Variants in MSI2 observed in about 807,000 individuals in gnomAD.
MSI2 encodes the protein musashi RNA binding protein 2, also known as RNA-binding protein Musashi homolog 2.
In MSI2, 17 loss-of-function variants were observed where a neutral mutation model predicts 45.6. The ratio of observed to expected loss-of-function variants is 0.37; its 90% CI spans 0.26 to 0.56. The LOEUF is 0.56. Among genes scored for constraint, MSI2 ranks in the 20% least tolerant of loss-of-function variants. The pLI is 0.77. For missense variants in MSI2, 293 were observed against 444.2 expected (o/e 0.66, Z 3.06); for synonymous variants, 156 against 158.2 (o/e 0.99, Z 0.11).
intron 5 of MSI2, among the ~76,000 whole-genome samples, chr17:57,298,733 C>G (rs1007975444): frequency 6.6e-6 from 1 of 152,184 alleles, no homozygotes; most frequent in Non-Finnish European, 1.5e-5. Flanking sequence ...GTAGATTTAG[C>G]ATAATTCTTA....
At chr17:57,287,830 A>C (rs992052318) in intron 5 of MSI2, among the ~76,000 whole-genome samples, 2 of 152,196 alleles carry the variant, frequency 1.3e-5, no homozygotes, top group Non-Finnish European at 2.9e-5. Context: ...ATTGTGCGTA[A>C]GGAGTGCAAG....
At chr17:57,399,970 A>G (rs1191915857) in intron 5 of MSI2, among the ~76,000 whole-genome samples, 1 of 152,174 alleles carries the variant, frequency 6.6e-6, no homozygotes, top group Non-Finnish European at 1.5e-5. Context: ...ATACGCCGGG[A>G]GCCTCTGTGA....
At chr17:57,368,533 T>A (rs927747398) in intron 5 of MSI2, among the ~76,000 whole-genome samples, 1 of 152,094 alleles carries the variant, frequency 6.6e-6, no homozygotes, top group Non-Finnish European at 1.5e-5. Flanking sequence ...CCCACCTGGG[T>A]GACGGAGTGA....
intron 1 of MSI2, 81 bp from the exon 2 acceptor site, chr17:57,257,017 T>C (rs747699565): frequency 1.3e-6 from 2 of 1,564,176 alleles, no homozygotes; most frequent in Non-Finnish European, 1.7e-6. Context: ...CCCCCCGCTT[T>C]CCTTTTAGCT....
intron 7 of MSI2, among the ~76,000 whole-genome samples, chr17:57,576,526 C>T (rs2088051108): frequency 6.6e-6 from 1 of 152,128 alleles, no homozygotes; most frequent in South Asian, 2.1e-4. Flanking sequence ...GAGGCCGAGG[C>T]AGGTGGATCA....
intron 6 of MSI2, among the ~76,000 whole-genome samples, chr17:57,506,485 C>G (rs1016386949): frequency 1.3e-5 from 2 of 152,220 alleles, no homozygotes. Flanking sequence ...TCGCTTCTTT[C>G]TCTGGCTGTG....
chr17:57,333,253 C>T (rs928625902), intron 5 of MSI2, among the ~76,000 whole-genome samples: 2 of 152,236 alleles, frequency 1.3e-5, no homozygotes, highest in South Asian at 4.1e-4. Context: ...GTGTCTAGAA[C>T]ATATAAGCAG....
chr17:57,604,872 T>C (rs1906353992), intron 8 of MSI2, among the ~76,000 whole-genome samples: 2 of 119,026 alleles, frequency 1.7e-5, no homozygotes, highest in South Asian at 2.7e-4. Context: ...AGTGATTGGC[T>C]CACCCCCCCA....
At chr17:57,379,589 G>A (rs545812922) in intron 5 of MSI2, among the ~76,000 whole-genome samples, 2 of 152,090 alleles carry the variant, frequency 1.3e-5, no homozygotes, top group South Asian at 2.1e-4. Flanking sequence ...CGGCCATCAG[G>A]AAGTTACTTC....
At chr17:57,380,615 G>A (rs1022052313) in intron 5 of MSI2, among the ~76,000 whole-genome samples, 1 of 152,138 alleles carries the variant, frequency 6.6e-6, no homozygotes, top group African/African-American at 2.4e-5. Context: ...GGACTAAAGG[G>A]TTAGTCCTTC....
rs200087369 is a variant in MSI2, at chr17:57,450,275, G to GA, written c.405+48807dup. ...CAGCTTAAAGAAAGAAAGAAAGAAA[G>GA]AAAGAAAGAAAGAAAGAAAGAAAGA... On this transcript the variant is annotated intron_variant, in intron 6 of 13. Transcript: ENST00000284073. 1.0e-3 allele frequency: 99 copies of GA among 98,218 alleles called. 3 individuals carry two copies. Among genetic ancestry groups the GA allele is most frequent in the African/African-American group, 3.3e-3 (72 of 21,550 alleles). 6.1% of individuals were successfully genotyped at this position (98,218 alleles called of 1,614,324 possible).
In MSI2 at chr17:57,683,975, A is replaced by G. The variant is rs996671345; in HGVS notation, c.*4458A>G. On this transcript the variant is annotated 3_prime_UTR_variant, in exon 14 of 14. Transcript: ENST00000284073. This position sits in a 1 kb window ranked among gnomAD's most constrained non-coding sequence, Gnocchi z 5.2. ...AAAGTAAGTAAACTAAAACACAAAA[A>G]CATATAAATAAAATCCATCCCTCTT... is the stretch of plus-strand genomic sequence containing the variant. 1.2e-4 allele frequency: 28 copies of G among 229,124 alleles called. No individual in the cohort carries two copies. Among genetic ancestry groups the G allele is most frequent in the African/African-American group, 5.8e-4 (26 of 45,054 alleles). 14.2% of individuals were successfully genotyped at this position (229,124 alleles called of 1,614,324 possible).
downstream of MSI2, among the ~76,000 whole-genome samples, chr17:57,689,599 G>C (rs1371265047): frequency 6.6e-6 from 1 of 152,148 alleles, no homozygotes; most frequent in Non-Finnish European, 1.5e-5. Context: ...CACGAGTTTT[G>C]ACAAATATAT....
chr17:57,272,919 A>G (rs1908504904), intron 5 of MSI2, among the ~76,000 whole-genome samples: 1 of 152,182 alleles, frequency 6.6e-6, no homozygotes, highest in Admixed American at 6.5e-5. Context: ...TCTATTTTTT[A>G]AATCCCTTTC....
At chr17:57,485,391 T>C (rs2085732181) in intron 6 of MSI2, among the ~76,000 whole-genome samples, 1 of 152,194 alleles carries the variant, frequency 6.6e-6, no homozygotes. Flanking sequence ...CTTGGGTCCA[T>C]GTTGGCCTGT....
chr17:57,583,611 G>A (rs2088267392), intron 7 of MSI2, among the ~76,000 whole-genome samples: 1 of 151,402 alleles, frequency 6.6e-6, no homozygotes. Context: ...GAGACCACAG[G>A]CACGTGCCAC....
At chr17:57,599,615 T>C (rs1210406048) in intron 8 of MSI2, among the ~76,000 whole-genome samples, 2 of 152,322 alleles carry the variant, frequency 1.3e-5, no homozygotes, top group East Asian at 3.9e-4. Context: ...CTGGGGCTAG[T>C]ACTTGTTCTT....
intron 7 of MSI2, among the ~76,000 whole-genome samples, chr17:57,563,098 CAAAAAAAAAA>C (rs59975200): frequency 2.8e-5 from 2 of 71,272 alleles, no homozygotes; most frequent in African/African-American, 5.9e-5. Context: ...ACTTCGTCTC[CAAAAAAAAAA>C]AAAAAAAAAA....
At chr17:57,568,270 C>T (rs762055300) in intron 7 of MSI2, among the ~76,000 whole-genome samples, 1 of 152,174 alleles carries the variant, frequency 6.6e-6, no homozygotes, top group African/African-American at 2.4e-5. Context: ...TTATATTTAA[C>T]CATATTTCCA....
Sources: gnomAD v4.1 joint callset for allele counts (sites outside exome capture counted in the v4.1 genomes callset) on GRCh38, gnomAD v4.1.1 for gene constraint, Gnocchi (gnomAD v3.1) non-coding constraint, MANE v1.5 for transcripts, NCBI Gene and HGNC (gene_info 2026-07-23, HGNC 2026-07-21) for gene names.